Variants in MID1 observed in about 807,000 individuals in gnomAD.
MID1 encodes E3 ubiquitin-protein ligase Midline-1.
In MID1, 7 loss-of-function variants were observed where a neutral mutation model predicts 40.4. The ratio of observed to expected loss-of-function variants is 0.17; its 90% CI spans 0.10 to 0.33. The LOEUF is 0.33. MID1 is among the 10% of genes least tolerant of loss of function. The pLI is 1.00. For missense variants in MID1, 367 were observed against 558.5 expected, an observed-to-expected ratio of 0.66 and a Z score of 3.46; for synonymous variants, 229 against 221.2, an observed-to-expected ratio of 1.04 and a Z score of -0.31.
intron 3 of MID1, among the ~76,000 whole-genome samples, chrX:10,503,106 C>T (rs1444326462): frequency 3.6e-5 from 4 of 111,388 alleles, no homozygotes; most frequent in African/African-American, 1.3e-4. Context: ...CTACACCCCG[C>T]TGTGTACCAC....
intron 2 of MID1, among the ~76,000 whole-genome samples, chrX:10,560,175 C>A (rs1934277938): frequency 9.0e-6 from 1 of 111,165 alleles, no homozygotes; most frequent in Admixed American, 9.7e-5. Context: ...TGTGAGCCCC[C>A]ATGCCCAGCC....
At chrX:10,566,861 G>A in intron 2 of MID1, 27 bp downstream of exon 2, 1 of 1,199,963 alleles carries the variant, frequency 8.3e-7, no homozygotes, top group Non-Finnish European at 1.1e-6. Flanking sequence ...GGCAGAAAGG[G>A]GTTGGCTTAA....
At chrX:10,507,519 A>C (rs142799135) in intron 3 of MID1, among the ~76,000 whole-genome samples, 4,022 of 112,550 alleles carry the variant, frequency 0.036, 193 homozygotes, top group African/African-American at 0.12. Context: ...TATTCTGCAA[A>C]AATTAAAGCA....
chrX:10,639,216 G>A (rs980262490), intron 1 of MID1, among the ~76,000 whole-genome samples: 66 of 111,811 alleles, frequency 5.9e-4, no homozygotes, highest in African/African-American at 2.1e-3. Flanking sequence ...AAACTTCTCC[G>A]AGCTAAAGGA....
intron 9 of MID1, among the ~76,000 whole-genome samples, chrX:10,453,398 A>G (rs1186457042): frequency 1.8e-5 from 2 of 112,310 alleles, no homozygotes; most frequent in East Asian, 5.6e-4. Context: ...TATACTCACC[A>G]TCTTCAGGCT....
At chrX:10,675,190 G>A in intron 1 of MID1, among the ~76,000 whole-genome samples, 1 of 112,259 alleles carries the variant, frequency 8.9e-6, no homozygotes, top group African/African-American at 3.2e-5. Flanking sequence ...TTTTCATGAT[G>A]GGCAGATTCA....
intron 1 of MID1, among the ~76,000 whole-genome samples, chrX:10,757,056 G>A (rs2043636883): frequency 8.9e-6 from 1 of 112,014 alleles, no homozygotes; most frequent in African/African-American, 3.2e-5. Flanking sequence ...AGACATCTTA[G>A]CATGGTGGTC....
At chrX:10,581,148 C>A (rs749909044) in intron 1 of MID1, among the ~76,000 whole-genome samples, 1 of 110,610 alleles carries the variant, frequency 9.0e-6, no homozygotes, top group Non-Finnish European at 1.9e-5. Context: ...ACTCGGGAGG[C>A]TGAGGCAAGA....
At chrX:10,728,455 G>C (rs931876557) in intron 1 of MID1, among the ~76,000 whole-genome samples, 1 of 112,028 alleles carries the variant, frequency 8.9e-6, no homozygotes, top group African/African-American at 3.2e-5. Flanking sequence ...TCCTGCAGGA[G>C]GGAAAAAGGC....
chrX:10,639,158 T>C (rs1355693729), intron 1 of MID1, among the ~76,000 whole-genome samples: 1 of 112,288 alleles, frequency 8.9e-6, no homozygotes, highest in Non-Finnish European at 1.9e-5. Flanking sequence ...GGACAGAGAA[T>C]GACTTTGACG....
chrX:10,642,252 G>C, intron 1 of MID1, among the ~76,000 whole-genome samples: 1 of 111,703 alleles, frequency 9.0e-6, no homozygotes, highest in East Asian at 2.8e-4. Flanking sequence ...TGACATGACT[G>C]TATATTTAGA....
intron 1 of MID1, among the ~76,000 whole-genome samples, chrX:10,649,059 A>C (rs1250802105): frequency 8.9e-6 from 1 of 112,094 alleles, no homozygotes; most frequent in Non-Finnish European, 1.9e-5. Flanking sequence ...AATATAAATT[A>C]ATAATTAGGA....
At chrX:10,650,717 G>A (rs1445922205) in intron 1 of MID1, among the ~76,000 whole-genome samples, 1 of 111,814 alleles carries the variant, frequency 8.9e-6, no homozygotes, top group Non-Finnish European at 1.9e-5. Flanking sequence ...GTACCCTGTT[G>A]GGATATTGGG....
intron 1 of MID1, among the ~76,000 whole-genome samples, chrX:10,746,291 C>T (rs907400714): frequency 1.8e-5 from 2 of 111,544 alleles, no homozygotes; most frequent in South Asian, 3.8e-4. Context: ...TTGTACTCCT[C>T]GAGATCTCAA....
chrX:10,743,304 G>A (rs370091464), intron 1 of MID1, among the ~76,000 whole-genome samples: 1 of 112,574 alleles, frequency 8.9e-6, no homozygotes, highest in African/African-American at 3.2e-5. Flanking sequence ...AAACAAGATT[G>A]AATTATGGCA....
At chrX:10,605,136 TG>T (rs1408377657) in intron 1 of MID1, among the ~76,000 whole-genome samples, 1 of 112,439 alleles carries the variant, frequency 8.9e-6, no homozygotes, top group Admixed American at 9.4e-5. Flanking sequence ...TGAGCATGAC[TG>T]GGGATTAAAG....
At chrX:10,508,186 T>C (rs1296659563) in intron 3 of MID1, among the ~76,000 whole-genome samples, 1 of 112,154 alleles carries the variant, frequency 8.9e-6, no homozygotes, top group Non-Finnish European at 1.9e-5. Context: ...GCAGCGAACA[T>C]GCCAAGTGCA....
At chrX:10,638,315 T>C (rs1160473273) in intron 1 of MID1, among the ~76,000 whole-genome samples, 2 of 112,027 alleles carry the variant, frequency 1.8e-5, no homozygotes, top group African/African-American at 6.5e-5. Context: ...CCTAATACTG[T>C]GCTTTTCCAA....
chrX:10,574,916 A>T lies in MID1; in HGVS notation c.-56-7313T>A, dbSNP rs1039970865. Among the ~76,000 whole-genome samples, 3 of 112,429 alleles carry T rather than the reference A, an allele frequency of 2.7e-5. No homozygotes were observed. In the Admixed American group the frequency reaches 2.8e-4, roughly 11 times the overall value. On this transcript the variant is annotated intron_variant, in intron 1 of 9. Coordinates refer to ENST00000317552, the MANE Select transcript of MID1 (RefSeq NM_000381.4). ...AAGGCACTTCCTCTAGTTCTTTTCC[A>T]AATATCCTCTGGACTATAGAGACTA...
Sources: allele counts gnomAD v4.1 joint callset (sites outside exome capture counted in the v4.1 genomes callset), GRCh38; gene constraint gnomAD v4.1.1; transcripts MANE v1.5; gene names NCBI Gene and HGNC (gene_info 2026-07-23, HGNC 2026-07-21).